The following DNM3 variants were observed in gnomAD, a reference collection of about 807,000 sequenced individuals.
DNM3 encodes the protein dynamin-3.
A neutral mutation model predicts 101.6 loss-of-function variants in DNM3; 47 were observed. The observed-to-expected ratio is 0.46, with a 90% CI of 0.37 to 0.59. DNM3 has a LOEUF of 0.59. Ranked by LOEUF, DNM3 falls within the 20% of genes least tolerant of loss-of-function variation. The pLI is 0.00. For synonymous variants in DNM3, 385 were observed against 387.9 expected, an observed-to-expected ratio of 0.99 and a Z score of 0.09; for missense variants, 849 against 1,085.7, an observed-to-expected ratio of 0.78 and a Z score of 3.06.
At chr1:171,973,270 C>A (rs1450202524) in intron 2 of DNM3, among the ~76,000 whole-genome samples, 1 of 152,142 alleles carries the variant, frequency 6.6e-6, no homozygotes, top group East Asian at 1.9e-4. Flanking sequence ...CAGATTGTAA[C>A]TGGGAGTCAG....
chr1:171,884,330 T>C (rs921606158), intron 1 of DNM3, among the ~76,000 whole-genome samples: 1 of 152,244 alleles, frequency 6.6e-6, no homozygotes, highest in African/African-American at 2.4e-5. Context: ...CTATGAACTT[T>C]TTCCTGACAC....
At chr1:171,935,512 A>G (rs1250012341) in intron 2 of DNM3, among the ~76,000 whole-genome samples, 2 of 152,172 alleles carry the variant, frequency 1.3e-5, no homozygotes, top group African/African-American at 4.8e-5. Flanking sequence ...TGTACAAAAC[A>G]TTGATGAGGT....
intron 13 of DNM3, among the ~76,000 whole-genome samples, chr1:172,128,741 C>T (rs919210210): frequency 1.3e-5 from 2 of 152,192 alleles, no homozygotes; most frequent in Admixed American, 6.5e-5. Context: ...CTACCGGCTA[C>T]ACTATCACCT....
chr1:172,081,922 GCCACATGCATTCCT>G lies in DNM3; in HGVS notation c.1493+23_1493+36del. 6.2e-7 allele frequency: 1 copy of G among 1,608,930 alleles called. No individual in the cohort carries two copies. The highest frequency in any genetic ancestry group is 8.5e-7 in the Non-Finnish European group (1 of 1,176,708). Reference sequence around the variant, plus strand: ...CGCAAAGTACGTGAAACACTTGATGGCCACATGCATTCCTCCTGTTGATTTGTCTCAAACACACA... The same window carrying G: ...CGCAAAGTACGTGAAACACTTGATGGCCTGTTGATTTGTCTCAAACACACA... On this transcript the variant is annotated intron_variant, in intron 12 of 20. Coordinates refer to ENST00000627582, the MANE Select transcript of DNM3 (RefSeq NM_015569.5).
At chr1:172,103,277 A>G (rs1470788924) in intron 13 of DNM3, among the ~76,000 whole-genome samples, 1 of 152,186 alleles carries the variant, frequency 6.6e-6, no homozygotes, top group East Asian at 1.9e-4. Flanking sequence ...GTTTTGTTCT[A>G]AAATTGTAAA....
rs34870740 is a variant in DNM3 at position 172,308,785 on chromosome 1, C to T, written c.1827C>T (p.Val609=). The change falls in exon 16 of 21, where the codon GTC becomes GTT. Residue 609 remains valine (V), a synonymous_variant. Transcript: ENST00000627582. ...LELACDSQED[V]DSWKASLLRA... ...TGGCATGTGATTCCCAGGAGGATGT[C>T]GACAGCTGGAAGGCATCTCTACTAA... The T allele has an allele frequency of 0.067, 107,694 of 1,607,974 alleles. 4,166 individuals are homozygous for T. The highest frequency in any genetic ancestry group is 0.11 in the South Asian group (9,844 of 90,082).
At chr1:172,344,142 C>A (rs1187082267) in intron 17 of DNM3, among the ~76,000 whole-genome samples, 2 of 152,254 alleles carry the variant, frequency 1.3e-5, no homozygotes, top group East Asian at 3.9e-4. Flanking sequence ...AACAGCCCGG[C>A]CAGGCAAGAT....
intron 1 of DNM3, among the ~76,000 whole-genome samples, chr1:171,845,790 A>C (rs1306928691): frequency 6.6e-6 from 1 of 152,202 alleles, no homozygotes; most frequent in Non-Finnish European, 1.5e-5. Flanking sequence ...TCATTTATAG[A>C]GGTGTTAAGT....
At chr1:172,264,905 T>A (rs1473069220) in intron 15 of DNM3, among the ~76,000 whole-genome samples, 4 of 152,192 alleles carry the variant, frequency 2.6e-5, no homozygotes, top group Non-Finnish European at 5.9e-5. Context: ...GTTTAGAGAT[T>A]AACTATGGAA....
At chr1:172,006,693 G>A (rs922242709) in intron 4 of DNM3, among the ~76,000 whole-genome samples, 3 of 151,968 alleles carry the variant, frequency 2.0e-5, no homozygotes, top group Non-Finnish European at 2.9e-5. Context: ...AGGCTTGGGT[G>A]GGGAAGTATG....
intron 17 of DNM3, among the ~76,000 whole-genome samples, chr1:172,354,102 T>A (rs1289512594): frequency 5.9e-4 from 23 of 38,824 alleles, no homozygotes; most frequent in African/African-American, 2.0e-3. Context: ...TGTGTGTGTG[T>A]GTGTGTGTGT....
chr1:172,371,498 G>C (rs2068319421), intron 17 of DNM3, among the ~76,000 whole-genome samples: 1 of 151,936 alleles, frequency 6.6e-6, no homozygotes, highest in Non-Finnish European at 1.5e-5. Flanking sequence ...TAATAAAAAT[G>C]GTTCACTTTT....
intron 2 of DNM3, among the ~76,000 whole-genome samples, chr1:171,928,044 G>T (rs1558279529): frequency 6.6e-6 from 1 of 152,174 alleles, no homozygotes; most frequent in Non-Finnish European, 1.5e-5. Flanking sequence ...GCAAGCCAAG[G>T]CTTTGTGCAG....
chr1:172,389,847 A>C (rs1449474771), intron 20 of DNM3, among the ~76,000 whole-genome samples: 1 of 152,174 alleles, frequency 6.6e-6, no homozygotes, highest in African/African-American at 2.4e-5. Context: ...AGAAGAGAAG[A>C]AGGGGGATCT....
At chr1:171,883,165 G>A (rs2036437631) in intron 1 of DNM3, among the ~76,000 whole-genome samples, 1 of 151,090 alleles carries the variant, frequency 6.6e-6, no homozygotes. Flanking sequence ...TATCATTTAT[G>A]TAAATACTCT....
chr1:171,894,026 G>T (rs1427834422), intron 1 of DNM3, among the ~76,000 whole-genome samples: 2 of 151,744 alleles, frequency 1.3e-5, no homozygotes, highest in Non-Finnish European at 2.9e-5. Flanking sequence ...ATTTCACCAT[G>T]TCGGCCAGGA....
intron 15 of DNM3, among the ~76,000 whole-genome samples, chr1:172,265,388 C>T (rs1274102575): frequency 6.6e-6 from 1 of 152,144 alleles, no homozygotes; most frequent in Non-Finnish European, 1.5e-5. Flanking sequence ...GTTGCAGTGA[C>T]TTCAGCACTT....
At chr1:172,242,133 C>A (rs1474179970) in intron 14 of DNM3, among the ~76,000 whole-genome samples, 1 of 152,104 alleles carries the variant, frequency 6.6e-6, no homozygotes, top group African/African-American at 2.4e-5. Context: ...CAGGGCATTT[C>A]CCCTGAATCT....
intron 1 of DNM3, among the ~76,000 whole-genome samples, chr1:171,853,101 T>G (rs2033167475): frequency 6.6e-6 from 1 of 152,180 alleles, no homozygotes; most frequent in Non-Finnish European, 1.5e-5. Context: ...AGCTGGACTC[T>G]CTCCTGGAAT....
Sources: allele counts gnomAD v4.1 joint callset (sites outside exome capture counted in the v4.1 genomes callset), GRCh38; gene constraint gnomAD v4.1.1; transcripts MANE v1.5; gene names NCBI Gene and HGNC (gene_info 2026-07-23, HGNC 2026-07-21).